The following RAD50 variants were observed in gnomAD, a reference collection of about 807,000 sequenced individuals.
RAD50 encodes the protein DNA repair protein RAD50.
Under a neutral mutation model 168.8 loss-of-function variants are expected in RAD50, and 132 were observed. That is an observed-to-expected ratio of 0.78 (90% CI 0.68 to 0.90). RAD50 has a LOEUF of 0.90. RAD50 is among the 40% of genes least tolerant of loss of function. The probability of loss-of-function intolerance (pLI) is 0.00; values close to 1 mark genes in which losing one functional copy is unlikely to be tolerated. For synonymous variants in RAD50, 525 were observed against 497.4 expected, an observed-to-expected ratio of 1.06 and a Z score of -0.74; for missense variants, 1,347 against 1,534.4, an observed-to-expected ratio of 0.88 and a Z score of 2.04.
In RAD50 at chr5:132,638,214, TGGACAAAAGGCA is replaced by T. The variant is rs995265408; in HGVS notation, c.3612_3618+5del. On this transcript the variant is annotated splice_donor_variant and splice_donor_region_variant and coding_sequence_variant and intron_variant, in exon 23 of 25. Transcript: ENST00000378823. LOFTEE classifies it high-confidence loss of function. ...TGGATATGCGAGGACGATGCAGTGCTGGACAAAAGGCAGGTATCTCAAAAGCCTGGGGAGCCA... is the reference window on the plus strand; with the variant it reads ...TGGATATGCGAGGACGATGCAGTGCTGGTATCTCAAAAGCCTGGGGAGCCA... 17 of 1,614,058 alleles carry T rather than the reference TGGACAAAAGGCA, an allele frequency of 1.1e-5. No homozygotes were observed. The highest frequency in any genetic ancestry group is 1.4e-5 in the Non-Finnish European group (17 of 1,180,024).
intron 19 of RAD50, among the ~76,000 whole-genome samples, chr5:132,615,404 T>C (rs1379364486): frequency 1.3e-5 from 2 of 152,234 alleles, no homozygotes; most frequent in African/African-American, 4.8e-5. Flanking sequence ...CTGCCTTGAG[T>C]GATTACAATT....
At chr5:132,617,933 A>T (rs1487166439) in intron 20 of RAD50, 137 bp from the exon 21 acceptor site, 2 of 770,294 alleles carry the variant, frequency 2.6e-6, no homozygotes, top group African/African-American at 3.5e-5. Flanking sequence ...AATAATAAGC[A>T]AGGAGAGACT....
chr5:132,600,866 T>C (rs72797364), intron 13 of RAD50, among the ~76,000 whole-genome samples: 10,506 of 152,328 alleles, frequency 0.069, 461 homozygotes, highest in Admixed American at 0.1. Flanking sequence ...TTACCTTTAT[T>C]TAATCATTGT....
chr5:132,642,323 G>A lies in RAD50; in HGVS notation c.3898G>A (p.Val1300Met), dbSNP rs1554101335. ...GAACATCGATCAGTGCTCAGAGATT[G>A]TGAAATGCAGTGTTAGCTCCCTGGG... ...KKNIDQCSEI[V>M]KCSVSSLGFN... The change falls in exon 25 of 25, where the codon GTG (valine) becomes ATG (methionine). Residue 1300 changes from valine (V) to methionine (M), a missense_variant. Physicochemically the swap from Val to Met is conservative, Grantham distance 21. Coordinates refer to ENST00000378823, the MANE Select transcript of RAD50 (RefSeq NM_005732.4). The A allele has an allele frequency of 1.2e-6, 2 of 1,614,084 alleles. No individual in the cohort carries two copies. The highest frequency in any genetic ancestry group is 1.7e-6 in the Non-Finnish European group (2 of 1,179,970).
At chr5:132,596,097 G>A (rs1259349712) in intron 13 of RAD50, among the ~76,000 whole-genome samples, 3 of 151,830 alleles carry the variant, frequency 2.0e-5, no homozygotes, top group African/African-American at 2.4e-5. Flanking sequence ...TCCCAGAAGC[G>A]ATTCCCATGC....
intron 3 of RAD50, among the ~76,000 whole-genome samples, chr5:132,576,873 T>G (rs983279185): frequency 1.3e-5 from 2 of 151,812 alleles, no homozygotes; most frequent in African/African-American, 2.4e-5. Context: ...CCTCTGTTTA[T>G]TTCATTTGTA....
At chr5:132,558,341 ATTAG>A (rs1750048856) in intron 1 of RAD50, among the ~76,000 whole-genome samples, 1 of 152,076 alleles carries the variant, frequency 6.6e-6, no homozygotes, top group African/African-American at 2.4e-5. Context: ...CGCTTCATTT[ATTAG>A]TTGTCTGATT....
At chr5:132,617,091 G>A (rs1410253714) in intron 20 of RAD50, among the ~76,000 whole-genome samples, 1 of 152,078 alleles carries the variant, frequency 6.6e-6, no homozygotes, top group Non-Finnish European at 1.5e-5. Flanking sequence ...AATCACAGAG[G>A]AAATTATGAT....
At position 132,588,224 on chromosome 5, in the gene RAD50, A is replaced by G. The variant is rs1580992458; in HGVS notation, c.1051+135A>G. On this transcript the variant is annotated intron_variant, in intron 7 of 24. Transcript: ENST00000378823. ...GGCTATACACAGTATGTTTCCATTT[A>G]TATAACATTTTTATAATGTCAAAAT... The G allele has an allele frequency of 4.7e-6, 5 of 1,059,040 alleles. No homozygotes were observed. In the Admixed American group the frequency reaches 1.1e-4, roughly 22 times the overall value. 65.6% of individuals were successfully genotyped at this position (1,059,040 alleles called of 1,614,324 possible).
chr5:132,595,521 T>C (rs1029609906), intron 12 of RAD50, 52 bp from the exon 13 acceptor site: 35 of 1,186,490 alleles, frequency 2.9e-5, no homozygotes, highest in Non-Finnish European at 3.8e-6. Flanking sequence ...TTCAGAATAC[T>C]GTATTTTATG....
At chr5:132,589,960 G>A (rs903841764) in intron 9 of RAD50, 123 bp downstream of exon 9, 3 of 925,890 alleles carry the variant, frequency 3.2e-6, no homozygotes, top group East Asian at 2.7e-5. Flanking sequence ...TTATTCTCAT[G>A]TAAAATGAAT....
At chr5:132,638,323 G>T in intron 23 of RAD50, 100 bp downstream of exon 23, 1 of 1,386,582 alleles carries the variant, frequency 7.2e-7, no homozygotes, top group East Asian at 2.4e-5. Flanking sequence ...CACCTGAATG[G>T]TGGGAAGCTC....
At chr5:132,615,500 C>T (rs763698802) in intron 19 of RAD50, among the ~76,000 whole-genome samples, 20 of 151,936 alleles carry the variant, frequency 1.3e-4, no homozygotes, top group African/African-American at 3.1e-4. Flanking sequence ...AGAACTAGGA[C>T]GAAAAAGTTG....
intron 21 of RAD50, among the ~76,000 whole-genome samples, chr5:132,635,298 C>T (rs896184318): frequency 3.3e-5 from 5 of 152,190 alleles, no homozygotes; most frequent in Non-Finnish European, 7.3e-5. Context: ...AGTTTTGTCT[C>T]GCATATGGTA....
chr5:132,570,085 T>A (rs1337129622), intron 2 of RAD50, among the ~76,000 whole-genome samples: 1 of 152,222 alleles, frequency 6.6e-6, no homozygotes, highest in Non-Finnish European at 1.5e-5. Flanking sequence ...TTCAATTTAA[T>A]AGTCTTTCGT....
intron 2 of RAD50, among the ~76,000 whole-genome samples, chr5:132,570,482 A>C (rs951462484): frequency 6.6e-6 from 1 of 152,202 alleles, no homozygotes; most frequent in African/African-American, 2.4e-5. Flanking sequence ...AACTTGCTGC[A>C]GCTCCTGCAT....
chr5:132,589,006 A>T, intron 8 of RAD50, 126 bp downstream of exon 8: 1 of 1,034,320 alleles, frequency 9.7e-7, no homozygotes, highest in Non-Finnish European at 1.5e-6. Flanking sequence ...AAAATCTGCT[A>T]CAAGGCAGAA....
intron 2 of RAD50, among the ~76,000 whole-genome samples, chr5:132,562,109 G>T (rs1194006581): frequency 6.6e-6 from 1 of 152,160 alleles, no homozygotes. Flanking sequence ...AGCATGGTTG[G>T]TGTGTTCAAG....
chr5:132,562,313 C>T (rs2706341), intron 2 of RAD50, among the ~76,000 whole-genome samples: 10,655 of 151,974 alleles, frequency 0.07, 1,177 homozygotes, highest in African/African-American at 0.24. Flanking sequence ...GAAGACTGTC[C>T]GTAGGTAGCA....
Sources: gnomAD v4.1 joint callset for allele counts (sites outside exome capture counted in the v4.1 genomes callset) on GRCh38, gnomAD v4.1.1 for gene constraint, MANE v1.5 for transcripts, NCBI Gene and HGNC (gene_info 2026-07-23, HGNC 2026-07-21) for gene names.